Variants in ROBO2 observed in about 807,000 individuals in gnomAD.
ROBO2 encodes roundabout guidance receptor 2, also known as roundabout homolog 2.
Under a neutral mutation model 160.8 loss-of-function variants are expected in ROBO2, and 53 were observed. The observed-to-expected ratio is 0.33, with a 90% CI of 0.26 to 0.41. ROBO2 has a LOEUF of 0.41. ROBO2 is among the 10% of genes least tolerant of loss of function. The probability of loss-of-function intolerance (pLI) is 1.00; values close to 1 mark genes in which losing one functional copy is unlikely to be tolerated. For missense variants in ROBO2, 1,577 were observed against 1,722.4 expected, an observed-to-expected ratio of 0.92 and a Z score of 1.49; for synonymous variants, 664 against 611.7, an observed-to-expected ratio of 1.09 and a Z score of -1.26.
At chr3:77,198,597 C>T (rs1314113146) in intron 2 of ROBO2, among the ~76,000 whole-genome samples, 1 of 152,130 alleles carries the variant, frequency 6.6e-6, no homozygotes, top group African/African-American at 2.4e-5. Context: ...CAAAATATTT[C>T]TTAGAAAGAC....
chr3:77,145,408 C>A (rs2077042476), intron 2 of ROBO2, among the ~76,000 whole-genome samples: 1 of 152,146 alleles, frequency 6.6e-6, no homozygotes. Context: ...AGCTAACGTT[C>A]TGAAGGAACC....
chr3:76,328,716 T>C (rs568707507), intron 2 of ROBO2, among the ~76,000 whole-genome samples: 8 of 151,678 alleles, frequency 5.3e-5, no homozygotes, highest in South Asian at 2.1e-4. Context: ...AAAAATTAGC[T>C]GGGCGTGGTG....
intron 2 of ROBO2, among the ~76,000 whole-genome samples, chr3:76,397,562 C>T (rs1269271550): frequency 8.6e-5 from 13 of 151,498 alleles, no homozygotes; most frequent in Non-Finnish European, 1.5e-4. Flanking sequence ...AGAAAATTTT[C>T]GCAACCTACT....
At chr3:77,441,130 T>G (rs549912776) in intron 2 of ROBO2, among the ~76,000 whole-genome samples, 35 of 152,228 alleles carry the variant, frequency 2.3e-4, no homozygotes, top group African/African-American at 8.2e-4. Flanking sequence ...CCTCTTTCAC[T>G]GGGGCTTGTC....
chr3:77,174,558 C>T (rs1414438704), intron 2 of ROBO2, among the ~76,000 whole-genome samples: 1 of 151,894 alleles, frequency 6.6e-6, no homozygotes, highest in Non-Finnish European at 1.5e-5. Context: ...ACCTAAATTT[C>T]CTGAAGAAAT....
At chr3:76,515,923 T>A (rs1190786487) in intron 2 of ROBO2, among the ~76,000 whole-genome samples, 1 of 152,172 alleles carries the variant, frequency 6.6e-6, no homozygotes, top group Non-Finnish European at 1.5e-5. Context: ...CTTACAAGTT[T>A]TATATATTGG....
chr3:76,437,129 A>G (rs1047845288), intron 2 of ROBO2, among the ~76,000 whole-genome samples: 4 of 152,234 alleles, frequency 2.6e-5, no homozygotes, highest in Non-Finnish European at 5.9e-5. Flanking sequence ...ATCTTTATGT[A>G]AGAGACAGTA....
chr3:77,526,818 G>C (rs2091209786), intron 6 of ROBO2, among the ~76,000 whole-genome samples: 1 of 151,464 alleles, frequency 6.6e-6, no homozygotes, highest in South Asian at 2.1e-4. Flanking sequence ...ACAGTAGTTA[G>C]GGAGCTACTG....
chr3:76,909,778 A>T (rs2075850157), intron 2 of ROBO2, among the ~76,000 whole-genome samples: 1 of 152,174 alleles, frequency 6.6e-6, no homozygotes, highest in African/African-American at 2.4e-5. Flanking sequence ...TTTCGTGTAA[A>T]ACTTTCAGTT....
Position 77,632,654 on chromosome 3 carries a change from C to A in ROBO2, c.3761-2216C>A, listed in dbSNP as rs537677618. ...CTGGATGGAACCAGCCTTACAAGAA[C>A]AGGTTGGTAGACTCCAAGTCAACAC... On this transcript the variant is annotated intron_variant, in intron 23 of 25. Coordinates refer to ENST00000461745, the Ensembl canonical transcript of ROBO2. 3.3e-6 allele frequency: 5 copies of A among 1,533,728 alleles called. No individual in the cohort carries two copies. In the South Asian group the frequency reaches 6.0e-5, roughly 18 times the overall value.
chr3:76,320,847 A>T (rs1407549497), intron 2 of ROBO2, among the ~76,000 whole-genome samples: 1 of 152,202 alleles, frequency 6.6e-6, no homozygotes, highest in African/African-American at 2.4e-5. Context: ...ATCTTTACTG[A>T]TTGCCTATTT....
At chr3:76,955,746 A>G (rs2079204604) in intron 2 of ROBO2, among the ~76,000 whole-genome samples, 1 of 152,168 alleles carries the variant, frequency 6.6e-6, no homozygotes. Context: ...GAATACAAAC[A>G]TAGATTTAGA....
Position 77,546,470 on chromosome 3 carries a change from T to A in ROBO2, c.1059+8T>A. ...CAGAAAGAAGGCAGCCAGGTGAGTG[T>A]GAGGCTTCACTGCTTTTCTGAAATC... On this transcript the variant is annotated splice_region_variant and intron_variant, in intron 7 of 25. Coordinates refer to ENST00000461745, the Ensembl canonical transcript of ROBO2. 1 of 1,612,922 alleles carries A rather than the reference T, an allele frequency of 6.2e-7. No individual in the cohort carries two copies. Among genetic ancestry groups the A allele is most frequent in the Non-Finnish European group, 8.5e-7 (1 of 1,179,116 alleles).
intron 7 of ROBO2, among the ~76,000 whole-genome samples, chr3:77,548,725 T>C (rs2092797500): frequency 3.3e-5 from 5 of 151,960 alleles, no homozygotes; most frequent in Admixed American, 3.3e-4. Context: ...AGTCTAGTTT[T>C]CTTTTCCTCA....
chr3:77,165,541 CA>C (rs1427718333), intron 2 of ROBO2, among the ~76,000 whole-genome samples: 3 of 141,366 alleles, frequency 2.1e-5, no homozygotes, highest in Non-Finnish European at 1.6e-5. Context: ...CTGTGAGAAA[CA>C]CCCAAGAATT....
At chr3:76,044,761 TAC>T (rs2067396353) in intron 2 of ROBO2, among the ~76,000 whole-genome samples, 1 of 152,002 alleles carries the variant, frequency 6.6e-6, no homozygotes, top group African/African-American at 2.4e-5. Flanking sequence ...ATGACTAAAA[TAC>T]ACAGAGGGCT....
chr3:76,148,852 T>C (rs898203637), intron 2 of ROBO2, among the ~76,000 whole-genome samples: 2 of 152,134 alleles, frequency 1.3e-5, no homozygotes, highest in African/African-American at 4.8e-5. Flanking sequence ...TTCTGTAGGG[T>C]GCAGTGCTTG....
chr3:75,929,172 C>CGT (rs35861088), intron 1 of ROBO2, among the ~76,000 whole-genome samples: 2,011 of 113,628 alleles, frequency 0.018, 60 homozygotes, highest in Admixed American at 0.044. Flanking sequence ...CTGGATAAGA[C>CGT]GTGTGTGTGT....
chr3:76,861,089 C>A (rs906896918), intron 2 of ROBO2, among the ~76,000 whole-genome samples: 1 of 152,160 alleles, frequency 6.6e-6, no homozygotes, highest in Admixed American at 6.6e-5. Flanking sequence ...TCAGTAATAG[C>A]CAATACTGTC....
Sources: allele counts gnomAD v4.1 joint callset (sites outside exome capture counted in the v4.1 genomes callset), GRCh38; gene constraint gnomAD v4.1.1; transcripts MANE v1.5; gene names NCBI Gene and HGNC (gene_info 2026-07-23, HGNC 2026-07-21).